Variants in ILDR1 observed in about 807,000 individuals in gnomAD.
ILDR1 encodes the protein immunoglobulin like domain containing receptor 1, also known as immunoglobulin-like domain-containing receptor 1.
ILDR1 carries 56 observed loss-of-function variants against 62.4 expected under a neutral mutation model. That is an observed-to-expected ratio of 0.90 (90% CI 0.72 to 1.12). The LOEUF (loss-of-function observed/expected upper bound fraction) is 1.12, where lower values mean the gene tolerates loss of function less well. Among genes scored for constraint, ILDR1 ranks in the 50% most tolerant of loss-of-function variants. The pLI, the probability that ILDR1 is intolerant of heterozygous loss-of-function variation, is 0.00. For missense variants in ILDR1, 736 were observed against 710.6 expected, an observed-to-expected ratio of 1.04 and a Z score of -0.41; for synonymous variants, 284 against 277.8, an observed-to-expected ratio of 1.02 and a Z score of -0.22.
chr3:122,012,963 A>G (rs990735319), intron 1 of ILDR1, among the ~76,000 whole-genome samples: 1 of 152,180 alleles, frequency 6.6e-6, no homozygotes, highest in Admixed American at 6.5e-5. Flanking sequence ...GACCTGTCAC[A>G]TGGGTAGAAA....
the ILDR1 span, among the ~76,000 whole-genome samples, chr3:122,039,585 A>C: frequency 6.6e-6 from 1 of 152,086 alleles, no homozygotes; most frequent in African/African-American, 2.4e-5. Context: ...TTTCAGACAA[A>C]TACTGGTAAA....
At chr3:122,052,704 G>T in the ILDR1 span, among the ~76,000 whole-genome samples, 1 of 152,204 alleles carries the variant, frequency 6.6e-6, no homozygotes, top group East Asian at 1.9e-4. Flanking sequence ...CTTCCAAGTA[G>T]CTGGGAGGAA....
the ILDR1 span, among the ~76,000 whole-genome samples, chr3:122,057,130 A>T: frequency 2.0e-5 from 3 of 152,198 alleles, no homozygotes; most frequent in Admixed American, 6.5e-5. Flanking sequence ...AGAAGGGAGG[A>T]TTATTTGTAC....
chr3:122,043,343 G>C, the ILDR1 span, among the ~76,000 whole-genome samples: 2 of 148,974 alleles, frequency 1.3e-5, no homozygotes, highest in African/African-American at 2.5e-5. Context: ...TTGAAGTCAG[G>C]TAGTGTGATG....
the ILDR1 span, chr3:122,055,411 T>C: frequency 5.7e-6 from 8 of 1,403,380 alleles, no homozygotes; most frequent in Non-Finnish European, 7.1e-6. Context: ...GCTTCTCTGC[T>C]GCTGTAACAG....
At chr3:122,019,995 T>C (rs1239989226) in intron 1 of ILDR1, among the ~76,000 whole-genome samples, 1 of 152,218 alleles carries the variant, frequency 6.6e-6, no homozygotes. Context: ...TCACCTGTTT[T>C]CCAGGCAAAG....
rs571297103 is a variant in ILDR1, at chr3:121,994,195, C to T, written c.765G>A (p.Pro255=). 43 of 1,536,112 alleles carry T rather than the reference C, an allele frequency of 2.8e-5. No homozygotes were observed. The highest frequency in any genetic ancestry group is 1.7e-4 in the Middle Eastern group (1 of 5,990). The change falls in exon 6 of 8, where the codon CCG becomes CCA. Residue 255 remains proline, a synonymous_variant. Coordinates refer to ENST00000344209, the MANE Select transcript of ILDR1 (RefSeq NM_001199799.2). ...SSQVSSYPMH[P]LLQRDLSLPS... Reference sequence around the variant, plus strand: ...GGAAGAGTTTACCTCGCTGCAGCAGCGGGTGCATTGGATAAGATGAAACCT... The same window carrying T: ...GGAAGAGTTTACCTCGCTGCAGCAGTGGGTGCATTGGATAAGATGAAACCT...
At chr3:122,029,508 A>AT in the ILDR1 span, among the ~76,000 whole-genome samples, 1,203 of 125,534 alleles carry the variant, frequency 9.6e-3, 21 homozygotes, top group African/African-American at 0.034. Flanking sequence ...TCCGTCTAAA[A>AT]AAAATATATA....
At chr3:122,045,286 T>C in the ILDR1 span, among the ~76,000 whole-genome samples, 93 of 149,124 alleles carry the variant, frequency 6.2e-4, no homozygotes, top group Non-Finnish European at 1.2e-3. Context: ...TGAGAGATAG[T>C]TTGTTATAAT....
chr3:122,052,984 GGTGAGGGTATACC>G, the ILDR1 span, among the ~76,000 whole-genome samples: 1 of 152,228 alleles, frequency 6.6e-6, no homozygotes, highest in Non-Finnish European at 1.5e-5. Context: ...GACAGACTAT[GGTGAGGGTATACC>G]GTGAATTTTC....
At chr3:122,004,223 C>T (rs1038903319) in intron 3 of ILDR1, among the ~76,000 whole-genome samples, 4 of 152,166 alleles carry the variant, frequency 2.6e-5, no homozygotes, top group Non-Finnish European at 5.9e-5. Flanking sequence ...ATTTATTTAA[C>T]ACAGCACATA....
chr3:122,005,215 AGTTCCCCTGACACCTCCCCCGCACTCACG>A lies in ILDR1; in HGVS notation c.379_379+28del. 2.3e-6 allele frequency: 1 copy of A among 426,376 alleles called. No homozygotes were observed. The highest frequency in any genetic ancestry group is 3.9e-5 in the African/African-American group (1 of 25,358). 26.4% of individuals were successfully genotyped at this position (426,376 alleles called of 1,614,324 possible). A position where few individuals can be genotyped will look rare whatever the true frequency, so the allele number is the denominator to read the frequency against. On this transcript the variant is annotated splice_donor_variant and splice_donor_5th_base_variant and coding_sequence_variant and intron_variant, in exon 3 of 8. Coordinates refer to ENST00000344209, the MANE Select transcript of ILDR1 (RefSeq NM_001199799.2). LOFTEE classifies it high-confidence loss of function. ...GGTGTCTGCACCTCCCCCCACCCCC[AGTTCCCCTGACACCTCCCCCGCACTCACG>A]GTTCTGGATGGTGATCTTGCGCTGC... is the stretch of plus-strand genomic sequence containing the variant.
the ILDR1 span, among the ~76,000 whole-genome samples, chr3:122,052,658 C>T: frequency 6.6e-6 from 1 of 152,188 alleles, no homozygotes; most frequent in African/African-American, 2.4e-5. Context: ...ACTGCAACCT[C>T]CGCCTCCCGG....
At chr3:122,049,118 T>C in the ILDR1 span, among the ~76,000 whole-genome samples, 14 of 152,218 alleles carry the variant, frequency 9.2e-5, no homozygotes, top group African/African-American at 3.4e-4. Context: ...TCTTTGTTTC[T>C]AGATATTTTC....
the ILDR1 span, among the ~76,000 whole-genome samples, chr3:122,051,788 G>C: frequency 6.6e-6 from 1 of 152,106 alleles, no homozygotes; most frequent in South Asian, 2.1e-4. Context: ...GCTTTGTACT[G>C]GGAAAGACCT....
At chr3:122,013,154 A>T (rs2107673393) in intron 1 of ILDR1, among the ~76,000 whole-genome samples, 1 of 152,286 alleles carries the variant, frequency 6.6e-6, no homozygotes, top group East Asian at 1.9e-4. Context: ...ACTAAATGTC[A>T]TCTGTTCCTA....
chr3:122,028,837 C>A, the ILDR1 span, among the ~76,000 whole-genome samples: 1 of 152,142 alleles, frequency 6.6e-6, no homozygotes, highest in African/African-American at 2.4e-5. Context: ...AACAATTTGA[C>A]AATATCTTGT....
chr3:121,996,564 A>C (rs559958457), intron 5 of ILDR1, among the ~76,000 whole-genome samples: 1 of 152,336 alleles, frequency 6.6e-6, no homozygotes, highest in Non-Finnish European at 1.5e-5. Flanking sequence ...TCAGATAGGC[A>C]ATAAAAGTAG....
the ILDR1 span, among the ~76,000 whole-genome samples, chr3:122,033,184 TG>T: frequency 6.6e-6 from 1 of 152,212 alleles, no homozygotes; most frequent in Non-Finnish European, 1.5e-5. Context: ...ATTATAGCTC[TG>T]CTGGTGGGTG....
Sources: gnomAD v4.1 joint callset for allele counts (sites outside exome capture counted in the v4.1 genomes callset) on GRCh38, gnomAD v4.1.1 for gene constraint, MANE v1.5 for transcripts, NCBI Gene and HGNC (gene_info 2026-07-23, HGNC 2026-07-21) for gene names.